CHRDL1: variants seen among roughly 807,000 people sequenced by gnomAD.
CHRDL1 encodes the protein chordin like 1.
Under a neutral mutation model 40.9 loss-of-function variants are expected in CHRDL1, and 19 were observed. The observed-to-expected ratio is 0.46, with a 90% CI of 0.32 to 0.68. The LOEUF is 0.68. CHRDL1 is among the 30% of genes least tolerant of loss of function. The pLI, the probability that CHRDL1 is intolerant of heterozygous loss-of-function variation, is 0.03. For missense variants in CHRDL1, 329 were observed against 352.1 expected, an observed-to-expected ratio of 0.93 and a Z score of 0.53; for synonymous variants, 136 against 123.4, an observed-to-expected ratio of 1.10 and a Z score of -0.68.
At position 110,674,484 on chromosome X, in the gene CHRDL1, CACACACACACACACACACACAA is replaced by C. The variant is rs1235328439; in HGVS notation, c.*1725_*1746del. On this transcript the variant is annotated 3_prime_UTR_variant, in exon 12 of 12. Transcript: ENST00000372042. ...ACACACACACACACACACACACACACACACACACACACACACACACAAACTAATGCTTTGTGACCTCTCAACC... is the reference window on the plus strand; with the variant it reads ...ACACACACACACACACACACACACACACTAATGCTTTGTGACCTCTCAACC... 5.5e-5 allele frequency: 6 copies of C among 108,842 alleles called. No individual in the cohort carries two copies. The highest frequency in any genetic ancestry group is 4.7e-3 in the Middle Eastern group (1 of 215). 9.0% of individuals were successfully genotyped at this position (108,842 alleles called of 1,213,427 possible).
chrX:110,739,798 C>G (rs1226927334), intron 4 of CHRDL1, among the ~76,000 whole-genome samples: 2 of 112,789 alleles, frequency 1.8e-5, no homozygotes, highest in African/African-American at 3.2e-5. Context: ...CTTTCACATT[C>G]CATATTCCTC....
chrX:110,702,465 T>C, intron 6 of CHRDL1, among the ~76,000 whole-genome samples: 1 of 112,039 alleles, frequency 8.9e-6, no homozygotes, highest in Non-Finnish European at 1.9e-5. Context: ...ATTTAACAGA[T>C]GAAGAAACCA....
At chrX:110,744,154 T>A (rs1158773205) in intron 4 of CHRDL1, among the ~76,000 whole-genome samples, 1 of 112,219 alleles carries the variant, frequency 8.9e-6, no homozygotes, top group African/African-American at 3.2e-5. Flanking sequence ...GGTGCATTTT[T>A]AAAAAATCAA....
chrX:110,722,685 G>A (rs2070983976), intron 4 of CHRDL1, among the ~76,000 whole-genome samples: 1 of 111,871 alleles, frequency 8.9e-6, no homozygotes, highest in Non-Finnish European at 1.9e-5. Flanking sequence ...TTCATTTGAG[G>A]GAAATAGGAT....
chrX:110,677,941 T>A (rs183183271), intron 11 of CHRDL1, among the ~76,000 whole-genome samples: 1 of 111,619 alleles, frequency 9.0e-6, no homozygotes, highest in East Asian at 2.8e-4. Context: ...TTGATGCTGA[T>A]CTTGTTGATT....
chrX:110,712,810 A>C, intron 6 of CHRDL1, among the ~76,000 whole-genome samples: 1 of 111,880 alleles, frequency 8.9e-6, no homozygotes, highest in African/African-American at 3.3e-5. Context: ...GCAGTGAGCT[A>C]TAATTGTGCC....
At chrX:110,731,636 C>A (rs1342775301) in intron 4 of CHRDL1, among the ~76,000 whole-genome samples, 3 of 110,898 alleles carry the variant, frequency 2.7e-5, no homozygotes, top group Non-Finnish European at 5.7e-5. Flanking sequence ...ATGGTATATC[C>A]ATAAAATGTA....
intron 2 of CHRDL1, among the ~76,000 whole-genome samples, chrX:110,773,312 C>A (rs924384800): frequency 1.8e-5 from 2 of 111,835 alleles, no homozygotes; most frequent in Non-Finnish European, 3.8e-5. Context: ...TTTAAAATTT[C>A]TCTTGAGACT....
At chrX:110,749,280 A>C (rs1486712538) in intron 4 of CHRDL1, among the ~76,000 whole-genome samples, 1 of 111,553 alleles carries the variant, frequency 9.0e-6, no homozygotes. Context: ...GCTTGTGGGG[A>C]CACTTACATT....
chrX:110,769,575 A>C (rs907894322), intron 2 of CHRDL1, among the ~76,000 whole-genome samples: 4 of 112,348 alleles, frequency 3.6e-5, no homozygotes, highest in Non-Finnish European at 7.5e-5. Flanking sequence ...CATACCTGCA[A>C]CTGGGCAATT....
intron 6 of CHRDL1, among the ~76,000 whole-genome samples, chrX:110,702,792 TA>T (rs1188593908): frequency 8.9e-6 from 1 of 112,044 alleles, no homozygotes; most frequent in East Asian, 2.8e-4. Context: ...TCTTATATTT[TA>T]TTTATTTTGT....
chrX:110,700,138 T>G (rs2070482688), intron 7 of CHRDL1, among the ~76,000 whole-genome samples: 1 of 112,095 alleles, frequency 8.9e-6, no homozygotes, highest in South Asian at 3.7e-4. Context: ...ATTCTGAGAT[T>G]AGTGCAGAGA....
At chrX:110,793,002 G>T (rs1028893480) in intron 1 of CHRDL1, among the ~76,000 whole-genome samples, 4 of 112,384 alleles carry the variant, frequency 3.6e-5, no homozygotes, top group African/African-American at 1.3e-4. Context: ...ATAAGGGGTA[G>T]AAATCTTAAA....
At chrX:110,717,414 G>A (rs1369883633) in intron 6 of CHRDL1, among the ~76,000 whole-genome samples, 1 of 112,057 alleles carries the variant, frequency 8.9e-6, no homozygotes, top group Admixed American at 9.5e-5. Context: ...CTTGAGGTTA[G>A]ACCATGAAAG....
At chrX:110,709,432 C>A (rs1385123375) in intron 6 of CHRDL1, among the ~76,000 whole-genome samples, 6 of 112,199 alleles carry the variant, frequency 5.3e-5, no homozygotes, top group Non-Finnish European at 1.1e-4. Flanking sequence ...TGCATGCCTG[C>A]ACATTGAAAA....
Position 110,674,457 on chromosome X carries a change from C to CCACATACACATACA in CHRDL1, c.*1773_*1774insTGTATGTGTATGTG, listed in dbSNP as rs796243093. The CCACATACACATACA allele has an allele frequency of 2.5e-5, 2 of 78,937 alleles. No individual in the cohort carries two copies. The highest frequency in any genetic ancestry group is 4.7e-5 in the Non-Finnish European group (2 of 42,126). 6.5% of individuals were successfully genotyped at this position (78,937 alleles called of 1,213,427 possible). A position where few individuals can be genotyped will look rare whatever the true frequency, so the allele number is the denominator to read the frequency against. ...GCCGCATAACACCTTCCCCCCTTTA[C>CCACATACACATACA]CACACACACACACACACACACACAC... On this transcript the variant is annotated 3_prime_UTR_variant, in exon 12 of 12. Transcript: ENST00000372042.
In CHRDL1 at chrX:110,759,721, G is replaced by A. The variant is rs745903501; in HGVS notation, c.241C>T (p.Pro81Ser). ...GNVLCSRVRC[P>S]NVHCLSPVHI... The stretch of plus-strand genomic sequence containing the variant: ...ACAGGAGAAAGGCAATGAACATTTG[G>A]ACATCTGACTCGGCTGCAAAGCACA... Residue 81 changes from proline to serine, a missense_variant, in exon 4 of 12, where the codon CCA becomes TCA. Transcript: ENST00000372042. The A allele has an allele frequency of 8.3e-7, 1 of 1,203,018 alleles. No homozygotes were observed. The highest frequency in any genetic ancestry group is 3.0e-5 in the East Asian group (1 of 33,784).
intron 6 of CHRDL1, among the ~76,000 whole-genome samples, chrX:110,709,363 A>G (rs1160765938): frequency 2.7e-5 from 3 of 112,194 alleles, no homozygotes; most frequent in South Asian, 3.7e-4. Flanking sequence ...AACAAAGAAA[A>G]GGGCTTGGAT....
chrX:110,691,299 T>C (rs766526854), intron 8 of CHRDL1, among the ~76,000 whole-genome samples: 1 of 107,110 alleles, frequency 9.3e-6, no homozygotes, highest in Non-Finnish European at 1.9e-5. Flanking sequence ...GGAGTATCTT[T>C]CTATGCAAAT....
Sources: allele counts gnomAD v4.1 joint callset (sites outside exome capture counted in the v4.1 genomes callset), GRCh38; gene constraint gnomAD v4.1.1; transcripts MANE v1.5; gene names NCBI Gene and HGNC (gene_info 2026-07-23, HGNC 2026-07-21).